Variants in SVEP1 observed in about 807,000 individuals in gnomAD.
The protein encoded by SVEP1 is sushi, von Willebrand factor type A, EGF and pentraxin domain-containing protein 1.
A neutral mutation model predicts 367.3 loss-of-function variants in SVEP1; 164 were observed. The observed-to-expected ratio is 0.45, with a 90% CI of 0.39 to 0.51. SVEP1 has a LOEUF of 0.51. SVEP1 is among the 20% of genes least tolerant of loss of function. The pLI, the probability that SVEP1 is intolerant of heterozygous loss-of-function variation, is 0.00. For missense variants in SVEP1, 4,117 were observed against 4,425.3 expected (o/e 0.93, Z 1.98); for synonymous variants, 1,666 against 1,611.6 (o/e 1.03, Z -0.81).
intron 3 of SVEP1, among the ~76,000 whole-genome samples, chr9:110,525,744 T>A (rs931563667): frequency 2.0e-5 from 3 of 151,848 alleles, no homozygotes; most frequent in Non-Finnish European, 4.4e-5. Context: ...GAAACAGAGC[T>A]ACACTAATGT....
intron 5 of SVEP1, 69 bp from the exon 6 acceptor site, chr9:110,503,286 G>A: frequency 1.4e-6 from 2 of 1,459,876 alleles, no homozygotes; most frequent in Non-Finnish European, 9.3e-7. Context: ...TACAAGTTTA[G>A]CAATGCCTGC....
At chr9:110,531,607 T>G (rs1830018454) in intron 3 of SVEP1, among the ~76,000 whole-genome samples, 1 of 152,194 alleles carries the variant, frequency 6.6e-6, no homozygotes, top group South Asian at 2.1e-4. Context: ...CCTGCAGAAC[T>G]GTGAGTCAAT....
At position 110,411,654 on chromosome 9, in the gene SVEP1, G is replaced by A; in HGVS notation, c.6057C>T (p.Val2019=). 1 of 1,609,686 alleles carries A rather than the reference G, an allele frequency of 6.2e-7. No individual in the cohort carries two copies. Among genetic ancestry groups the A allele is most frequent in the Non-Finnish European group, 8.5e-7 (1 of 1,177,988 alleles). ...CCACAATGGGTGGCTCATCACAGGA[G>A]ACAGCCAGGCACTGCTGGTCACTTC... ...WSRSDQQCLA[V]SCDEPPIVDH... is the part of the protein sequence containing the mutation. The change falls in exon 37 of 48, where the codon GTC becomes GTT. Residue 2019 remains valine (V), a synonymous_variant. Transcript: ENST00000374469.
chr9:110,499,384 A>T, intron 6 of SVEP1, 146 bp from the exon 7 acceptor site: 1 of 705,876 alleles, frequency 1.4e-6, no homozygotes. Flanking sequence ...CATTGAATGT[A>T]TAATATATTG....
intron 43 of SVEP1, among the ~76,000 whole-genome samples, chr9:110,385,333 G>T (rs776655263): frequency 6.6e-6 from 1 of 152,180 alleles, no homozygotes; most frequent in Non-Finnish European, 1.5e-5. Context: ...AAAACGTTGC[G>T]TTATCACAAG....
chr9:110,396,004 T>A (rs1322519117), intron 40 of SVEP1, among the ~76,000 whole-genome samples: 1 of 152,070 alleles, frequency 6.6e-6, no homozygotes, highest in Non-Finnish European at 1.5e-5. Context: ...CAAGCAGACC[T>A]AATAGACATC....
intron 40 of SVEP1, among the ~76,000 whole-genome samples, chr9:110,395,909 C>T (rs1034086308): frequency 6.6e-6 from 1 of 151,816 alleles, no homozygotes; most frequent in Non-Finnish European, 1.5e-5. Context: ...TAATGGGAGA[C>T]TTTAACACCC....
rs1486854338 is a variant in SVEP1, at chr9:110,476,443, A to G, written c.2488-128T>C. On this transcript the variant is annotated intron_variant, in intron 13 of 47. Coordinates refer to ENST00000374469, the MANE Select transcript of SVEP1 (RefSeq NM_153366.4). ...AAGGGAGGGCCCCAGAGCTCTGCAC[A>G]TTCCTCAAAGGGATTCTGACCCTCC... 2.5e-5 allele frequency: 17 copies of G among 688,232 alleles called. No homozygotes were observed. In the Admixed American group the frequency reaches 3.9e-4, roughly 16 times the overall value. 42.6% of individuals were successfully genotyped at this position (688,232 alleles called of 1,614,324 possible). A position where few individuals can be genotyped will look rare whatever the true frequency, so the allele number is the denominator to read the frequency against.
chr9:110,407,349 CTG>C lies in SVEP1; in HGVS notation c.8249_8250del (p.Ala2750GlyfsTer3), dbSNP rs765302790. 1.7e-5 allele frequency: 28 copies of C among 1,613,968 alleles called. No individual in the cohort carries two copies. In the African/African-American group the frequency reaches 3.7e-4, roughly 22 times the overall value. On this transcript the variant is annotated frameshift_variant, in exon 38 of 48. Coordinates refer to ENST00000374469, the MANE Select transcript of SVEP1 (RefSeq NM_153366.4). LOFTEE classifies it high-confidence loss of function. ...TCTAGACAAAGCCTTAAGTCAGAGC[CTG>C]CTAGAATGTGTCCAGGTTTACAGCT... is the stretch of plus-strand genomic sequence containing the variant. ...QYSCKPGHIL[A>X]GSDLRLCLEN...
intron 5 of SVEP1, among the ~76,000 whole-genome samples, chr9:110,507,002 G>T (rs1009443122): frequency 4.6e-5 from 7 of 152,132 alleles, no homozygotes; most frequent in Admixed American, 4.6e-4. Flanking sequence ...TCAGTCAGAA[G>T]GCATGCACAT....
At chr9:110,387,546 A>G in intron 41 of SVEP1, 88 bp from the exon 42 acceptor site, 1 of 1,339,934 alleles carries the variant, frequency 7.5e-7, no homozygotes, top group Non-Finnish European at 9.9e-7. Flanking sequence ...TATTTCATGG[A>G]ATATATAAAA....
At chr9:110,541,568 C>T in intron 3 of SVEP1, among the ~76,000 whole-genome samples, 1 of 151,976 alleles carries the variant, frequency 6.6e-6, no homozygotes, top group East Asian at 1.9e-4. Context: ...TATCTTAATG[C>T]TCATTCATTA....
Position 110,432,477 on chromosome 9 carries a change from A to G in SVEP1, c.5218T>C (p.Ser1740Pro), listed in dbSNP as rs757496836. The G allele has an allele frequency of 1.9e-6, 3 of 1,612,860 alleles. No homozygotes were observed. Among genetic ancestry groups the G allele is most frequent in the East Asian group, 4.5e-5 (2 of 44,872 alleles). Reference protein sequence around the residue: ...CTDNGSWNGVSPSCLDVDECA... With the variant: ...CTDNGSWNGVPPSCLDVDECA... Reference sequence around the variant, plus strand: ...TTTATCTCACCAAGGCAGGATGGTGAAACGCCGTTCCAGCTCCCATTATCT... The same window carrying G: ...TTTATCTCACCAAGGCAGGATGGTGGAACGCCGTTCCAGCTCCCATTATCT... Residue 1740 changes from serine to proline, a missense_variant, in exon 31 of 48, where the codon TCA (serine) becomes CCA (proline). By Grantham distance (74) the Ser-to-Pro change is moderately conservative. Transcript: ENST00000374469.
chr9:110,452,666 T>C lies in SVEP1; in HGVS notation c.3788-1264A>G, dbSNP rs1293174939. Among the ~76,000 whole-genome samples, 3 of 152,316 alleles carry C rather than the reference T, an allele frequency of 2.0e-5. No individual in the cohort carries two copies. The South Asian group carries it at 6.2e-4, about 32-fold the overall frequency. On this transcript the variant is annotated intron_variant, in intron 22 of 47. Transcript: ENST00000374469. ...GCTGAGAGAAATTTGTTTCAAGATATGTGTGATGTGGCCCCTAAATGCAAG... is the reference window on the plus strand; with the variant it reads ...GCTGAGAGAAATTTGTTTCAAGATACGTGTGATGTGGCCCCTAAATGCAAG...
intron 1 of SVEP1, among the ~76,000 whole-genome samples, chr9:110,558,512 TCAAA>T (rs1830383023): frequency 2.6e-5 from 1 of 39,194 alleles, no homozygotes. Context: ...AGACCCTGTC[TCAAA>T]AAAAAAAAAA....
chr9:110,513,958 C>A lies in SVEP1; in HGVS notation c.1113G>T (p.Gln371His). The change falls in exon 4 of 48, where the codon CAG (glutamine) becomes CAT (histidine). Residue 371 changes from glutamine to histidine, a missense_variant. By Grantham distance (24) the Gln-to-His change is conservative. Coordinates refer to ENST00000374469, the MANE Select transcript of SVEP1 (RefSeq NM_153366.4). ...VCREGYRASGQTCELVHCPAL... is the reference protein window; with the variant it reads ...VCREGYRASGHTCELVHCPAL... ...CAGTGGGAGACTCACGTTCACAGGT[C>A]TGGCCAGATGCCCTGTATCCCTCTC... is the stretch of plus-strand genomic sequence containing the variant. 6.2e-7 allele frequency: 1 copy of A among 1,612,974 alleles called. No homozygotes were observed. The highest frequency in any genetic ancestry group is 8.5e-7 in the Non-Finnish European group (1 of 1,179,472).
chr9:110,379,679 T>C (rs11791314), intron 43 of SVEP1, among the ~76,000 whole-genome samples, 162 bp from the exon 44 acceptor site: 12,316 of 152,258 alleles, frequency 0.081, 984 homozygotes, highest in African/African-American at 0.21. Context: ...TAACTGCTGC[T>C]GTTGAGAAAA....
chr9:110,431,804 T>C, intron 32 of SVEP1, 111 bp downstream of exon 32: 2 of 1,370,222 alleles, frequency 1.5e-6, no homozygotes, highest in Non-Finnish European at 2.0e-6. Flanking sequence ...CCTACCTGTA[T>C]GCCCTTTGAA....
chr9:110,443,533 G>A lies in SVEP1; in HGVS notation c.4639+12C>T, dbSNP rs1358314167. 1.3e-6 allele frequency: 2 copies of A among 1,589,092 alleles called. No individual in the cohort carries two copies. Among genetic ancestry groups the A allele is most frequent in the African/African-American group, 2.7e-5 (2 of 74,010 alleles). On this transcript the variant is annotated intron_variant, in intron 27 of 47. Coordinates refer to ENST00000374469, the MANE Select transcript of SVEP1 (RefSeq NM_153366.4). ...AGTCCAACAGAATTATACTCATTTT[G>A]TTAAAACATACCAGGTATGGGCAAA...
Sources: gnomAD v4.1 joint callset for allele counts (sites outside exome capture counted in the v4.1 genomes callset) on GRCh38, gnomAD v4.1.1 for gene constraint, MANE v1.5 for transcripts, NCBI Gene and HGNC (gene_info 2026-07-23, HGNC 2026-07-21) for gene names.